The following PPP2R2C variants were observed in gnomAD, a reference collection of about 807,000 sequenced individuals.
PPP2R2C encodes the protein protein phosphatase 2, regulatory subunit B, gamma.
Under a neutral mutation model 45.3 loss-of-function variants are expected in PPP2R2C, and 10 were observed. The ratio of observed to expected loss-of-function variants is 0.22; its 90% CI spans 0.14 to 0.37. The LOEUF (loss-of-function observed/expected upper bound fraction) is 0.37. Ranked by LOEUF, PPP2R2C falls within the 10% of genes least tolerant of loss-of-function variation. The pLI, the probability that PPP2R2C is intolerant of heterozygous loss-of-function variation, is 1.00. For synonymous variants in PPP2R2C, 257 were observed against 245.4 expected, an observed-to-expected ratio of 1.05 and a Z score of -0.44; for missense variants, 308 against 619.7, an observed-to-expected ratio of 0.50 and a Z score of 5.34.
At chr4:6,457,687 TA>T (rs1721116474) in intron 1 of PPP2R2C, among the ~76,000 whole-genome samples, 1 of 152,210 alleles carries the variant, frequency 6.6e-6, no homozygotes, top group African/African-American at 2.4e-5. Flanking sequence ...AAAGTTTTTT[TA>T]AAATAGTACA....
chr4:6,512,353 GTGC>G (rs1560595274), intron 2 of PPP2R2C, among the ~76,000 whole-genome samples: 4 of 78,808 alleles, frequency 5.1e-5, no homozygotes, highest in Admixed American at 1.3e-4. Context: ...GGTGGTGATG[GTGC>G]TGATGGTGGT....
At chr4:6,537,000 C>T (rs1165245002) in intron 1 of PPP2R2C, among the ~76,000 whole-genome samples, 1 of 152,042 alleles carries the variant, frequency 6.6e-6, no homozygotes, top group African/African-American at 2.4e-5. Context: ...GTCAGGAGTT[C>T]GAGACCAGCC....
chr4:6,518,068 G>C (rs773973974), intron 2 of PPP2R2C, among the ~76,000 whole-genome samples: 1 of 152,138 alleles, frequency 6.6e-6, no homozygotes, highest in Admixed American at 6.6e-5. Flanking sequence ...ATGACTCAAA[G>C]AAGTCTCAAG....
chr4:6,410,465 A>G (rs944528334), intron 1 of PPP2R2C, among the ~76,000 whole-genome samples: 3 of 152,162 alleles, frequency 2.0e-5, no homozygotes, highest in Admixed American at 6.5e-5. Flanking sequence ...CCATGCACCC[A>G]CCAGCTAGTG....
At chr4:6,425,813 C>CTGTGTGTGTG (rs147253945) in intron 1 of PPP2R2C, among the ~76,000 whole-genome samples, 6 of 148,550 alleles carry the variant, frequency 4.0e-5, no homozygotes, top group Admixed American at 2.7e-4. Flanking sequence ...CGATGCTTGG[C>CTGTGTGTGTG]TGTGTGTGTG....
At chr4:6,351,738 A>T (rs1577094772) in intron 5 of PPP2R2C, among the ~76,000 whole-genome samples, 1 of 151,990 alleles carries the variant, frequency 6.6e-6, no homozygotes, top group Admixed American at 6.5e-5. Context: ...CTCCGTGGGG[A>T]GGCAAGCAGT....
At chr4:6,384,111 C>G in intron 1 of PPP2R2C, 1 of 985,374 alleles carries the variant, frequency 1.0e-6, no homozygotes, top group Non-Finnish European at 1.2e-6. Context: ...TCCCAGCTGT[C>G]CTGACATTGT....
At chr4:6,348,093 G>A (rs554854587) in intron 5 of PPP2R2C, 83 bp from the exon 6 acceptor site, 241 of 1,507,972 alleles carry the variant, frequency 1.6e-4, no homozygotes, top group Middle Eastern at 1.6e-3. Context: ...CACCTCTCCC[G>A]AGGCAAAACC....
At chr4:6,391,105 G>A (rs1716600098) in intron 1 of PPP2R2C, among the ~76,000 whole-genome samples, 1 of 152,132 alleles carries the variant, frequency 6.6e-6, no homozygotes, top group South Asian at 2.1e-4. Context: ...GAGAGTGTCT[G>A]TATGGGGTGG....
chr4:6,368,189 G>A lies in PPP2R2C; in HGVS notation c.625+4334C>T, dbSNP rs1210926895. Among the ~76,000 whole-genome samples, 3 of 152,080 alleles carry A rather than the reference G, an allele frequency of 2.0e-5. No homozygotes were observed. The highest frequency in any genetic ancestry group is 7.2e-5 in the African/African-American group (3 of 41,414). ...CAATAATCATTATTTTCACTCTCTT[G>A]CACACACCATCAGCTCCGTGTCTAC... is the stretch of plus-strand genomic sequence containing the variant. On this transcript the variant is annotated intron_variant, in intron 5 of 8. Transcript: ENST00000382599. The surrounding 1 kb of genome is among the most constrained non-coding windows in gnomAD (Gnocchi z 4.2).
chr4:6,472,305 C>G lies in PPP2R2C; in HGVS notation c.-76G>C. 1 of 1,585,584 alleles carries G rather than the reference C, an allele frequency of 6.3e-7. No individual in the cohort carries two copies. Among genetic ancestry groups the G allele is most frequent in the Non-Finnish European group, 8.6e-7 (1 of 1,166,740 alleles). On this transcript the variant is annotated 5_prime_UTR_variant, in exon 1 of 9. Coordinates refer to ENST00000382599, the MANE Select transcript of PPP2R2C (RefSeq NM_020416.4). ...CAATCCGCAGAGGTCGCGCCGGGCG[C>G]GCGGGCCATGCCGCCGCAGCCTAGC...
intron 1 of PPP2R2C, among the ~76,000 whole-genome samples, chr4:6,388,791 G>A (rs1716403076): frequency 6.6e-6 from 1 of 152,154 alleles, no homozygotes; most frequent in Non-Finnish European, 1.5e-5. Context: ...GCCCAGCCCT[G>A]CCAGCATCGT....
chr4:6,456,656 C>T (rs1721055167), intron 1 of PPP2R2C, among the ~76,000 whole-genome samples: 1 of 152,208 alleles, frequency 6.6e-6, no homozygotes, highest in Non-Finnish European at 1.5e-5. Context: ...GGGCTGCACA[C>T]TGAACGCAGT....
intron 2 of PPP2R2C, among the ~76,000 whole-genome samples, chr4:6,515,866 A>G (rs4234755): frequency 0.97 from 147,150 of 152,266 alleles, 71,310 homozygotes; most frequent in East Asian, 1. Context: ...ATTCTTCCTC[A>G]CCTCTCCCAG....
chr4:6,340,509 G>GCC (rs1188446648), intron 6 of PPP2R2C, among the ~76,000 whole-genome samples: 1 of 152,144 alleles, frequency 6.6e-6, no homozygotes, highest in African/African-American at 2.4e-5. Flanking sequence ...TCTGTACAGA[G>GCC]CCTGAAGCCA....
chr4:6,482,706 C>T (rs139041032), intron 2 of PPP2R2C, among the ~76,000 whole-genome samples: 3 of 152,338 alleles, frequency 2.0e-5, no homozygotes, highest in Non-Finnish European at 2.9e-5. Flanking sequence ...TTTGGCTTTT[C>T]CTTGCTGTCC....
At chr4:6,534,395 AACAC>A (rs1437900141) in intron 2 of PPP2R2C, among the ~76,000 whole-genome samples, 1 of 147,096 alleles carries the variant, frequency 6.8e-6, no homozygotes, top group Non-Finnish European at 1.5e-5. Context: ...CACACACACC[AACAC>A]ACACACAACA....
chr4:6,512,445 G>A (rs1447767373), intron 2 of PPP2R2C, among the ~76,000 whole-genome samples: 8 of 119,848 alleles, frequency 6.7e-5, no homozygotes, highest in African/African-American at 1.6e-4. Context: ...TGATGGTGGC[G>A]GTGGTGGTGG....
intron 1 of PPP2R2C, among the ~76,000 whole-genome samples, chr4:6,405,784 G>A (rs1340982085): frequency 6.6e-6 from 1 of 152,204 alleles, no homozygotes; most frequent in African/African-American, 2.4e-5. Context: ...TATAAAAGAA[G>A]GATGGGCCTA....
Sources: allele counts gnomAD v4.1 joint callset (sites outside exome capture counted in the v4.1 genomes callset), GRCh38; gene constraint gnomAD v4.1.1; non-coding constraint Gnocchi (gnomAD v3.1); transcripts MANE v1.5; gene names NCBI Gene and HGNC (gene_info 2026-07-23, HGNC 2026-07-21).